The following EPRS1 variants were observed in gnomAD, a reference collection of about 807,000 sequenced individuals.
EPRS1 encodes the protein glutamyl-prolyl-tRNA synthetase 1.
Under a neutral mutation model 188.3 loss-of-function variants are expected in EPRS1, and 107 were observed. The ratio of observed to expected loss-of-function variants is 0.57; its 90% confidence interval spans 0.49 to 0.67. EPRS1 has a LOEUF of 0.67. EPRS1 is among the 30% of genes least tolerant of loss of function. EPRS1 has a pLI of 0.00. For synonymous variants in EPRS1, 596 were observed against 593.1 expected, an observed-to-expected ratio of 1.00 and a Z score of -0.07; for missense variants, 1,577 against 1,802.2, an observed-to-expected ratio of 0.88 and a Z score of 2.26.
intron 10 of EPRS1, 130 bp from the exon 11 acceptor site, chr1:220,019,209 T>G (rs1661807648): frequency 3.0e-6 from 2 of 656,164 alleles, no homozygotes; most frequent in Non-Finnish European, 5.4e-6. Flanking sequence ...GTTATACTAA[T>G]TAGGTAGTAT....
chr1:219,968,769 A>T lies in EPRS1; in HGVS notation c.*37T>A. On this transcript the variant is annotated 3_prime_UTR_variant, in exon 32 of 32. Transcript: ENST00000366923. ...AGATACTAATATCAATGCTTTAAAA[A>T]GTGAGAGGAGTTGAAGAGGGGGCTT... The T allele has an allele frequency of 6.2e-7, 1 of 1,604,538 alleles. No individual in the cohort carries two copies. The highest frequency in any genetic ancestry group is 8.5e-7 in the Non-Finnish European group (1 of 1,171,622).
intron 1 of EPRS1, among the ~76,000 whole-genome samples, chr1:220,044,681 CAAAAAAAAA>C (rs71560597): frequency 2.6e-4 from 23 of 88,346 alleles, no homozygotes; most frequent in South Asian, 7.8e-4. Context: ...GCTCGGTCTC[CAAAAAAAAA>C]AAAAAAAAAA....
At chr1:220,005,908 G>A (rs1661457868) in intron 15 of EPRS1, among the ~76,000 whole-genome samples, 198 bp downstream of exon 15, 2 of 138,176 alleles carry the variant, frequency 1.4e-5, no homozygotes, top group South Asian at 4.5e-4. Flanking sequence ...GAGCTCAAGC[G>A]ATCCACCCAT....
chr1:219,969,188 A>G (rs2102556546), intron 30 of EPRS1, 66 bp from the exon 31 acceptor site: 1 of 1,150,060 alleles, frequency 8.7e-7, no homozygotes, highest in East Asian at 2.4e-5. Context: ...CAGAAGGAAC[A>G]TTTGAGTTCT....
chr1:219,999,084 T>A (rs1376908105), intron 17 of EPRS1, among the ~76,000 whole-genome samples: 1 of 152,110 alleles, frequency 6.6e-6, no homozygotes, highest in Admixed American at 6.6e-5. Context: ...ACCTTTCATA[T>A]AAGTGCCTTC....
intron 15 of EPRS1, among the ~76,000 whole-genome samples, chr1:220,005,696 T>TA (rs1329627113): frequency 6.6e-6 from 1 of 152,172 alleles, no homozygotes; most frequent in Non-Finnish European, 1.5e-5. Context: ...GCGTAAGGCT[T>TA]AAATACGAGG....
At chr1:219,983,621 T>C (rs1028024130) in intron 21 of EPRS1, among the ~76,000 whole-genome samples, 8 of 152,114 alleles carry the variant, frequency 5.3e-5, no homozygotes, top group Non-Finnish European at 8.8e-5. Flanking sequence ...CACCGGGCAT[T>C]GTGGCTTAGG....
At chr1:220,032,205 GC>G (rs1314767889) in intron 5 of EPRS1, among the ~76,000 whole-genome samples, 181 bp downstream of exon 5, 4 of 150,494 alleles carry the variant, frequency 2.7e-5, no homozygotes, top group Non-Finnish European at 5.9e-5. Context: ...CTCCCGAGTA[GC>G]TGGGACTACA....
At chr1:220,029,463 G>T (rs2577143) in intron 6 of EPRS1, among the ~76,000 whole-genome samples, 1 of 152,210 alleles carries the variant, frequency 6.6e-6, no homozygotes, top group East Asian at 1.9e-4. Flanking sequence ...TTGTGAAGAA[G>T]TATTAAATAC....
At chr1:220,045,949 T>C (rs1209638154) in intron 1 of EPRS1, among the ~76,000 whole-genome samples, 1 of 152,214 alleles carries the variant, frequency 6.6e-6, no homozygotes, top group Non-Finnish European at 1.5e-5. Flanking sequence ...GGAAAAATGC[T>C]AAAAGAGAAG....
At chr1:220,042,852 C>T (rs1222789052) in intron 1 of EPRS1, among the ~76,000 whole-genome samples, 2 of 151,900 alleles carry the variant, frequency 1.3e-5, no homozygotes, top group African/African-American at 4.8e-5. Flanking sequence ...AACTGGGAGG[C>T]AGAGGTTTCA....
At chr1:219,989,304 G>A (rs1416615084) in intron 18 of EPRS1, among the ~76,000 whole-genome samples, 2 of 151,980 alleles carry the variant, frequency 1.3e-5, no homozygotes, top group Non-Finnish European at 2.9e-5. Flanking sequence ...AATGAGATGA[G>A]AAAGCATGTT....
rs369744695 is a variant in EPRS1 at position 220,028,242 on chromosome 1, TA to T, written c.623+2143del. Among the ~76,000 whole-genome samples the T allele has an allele frequency of 5.3e-3, 813 of 152,306 alleles. 7 individuals are homozygous for T. Among genetic ancestry groups the T allele is most frequent in the African/African-American group, 0.019 (789 of 41,574 alleles). On this transcript the variant is annotated intron_variant, in intron 6 of 31. Coordinates refer to ENST00000366923, the MANE Select transcript of EPRS1 (RefSeq NM_004446.3). ...CCATTGTCAAGAAAAGATTAACAAT[TA>T]GTACCTATTATTTTACAGTTAATGT...
At chr1:220,015,275 C>T (rs958141336) in intron 12 of EPRS1, among the ~76,000 whole-genome samples, 5 of 147,382 alleles carry the variant, frequency 3.4e-5, no homozygotes, top group Admixed American at 1.3e-4. Flanking sequence ...CCAGCTTGGC[C>T]AAGATGATGA....
Position 219,982,784 on chromosome 1 carries a change from T to C in EPRS1, c.3361A>G (p.Thr1121Ala). The change falls in exon 23 of 32, where the codon ACT becomes GCT. Residue 1121 changes from threonine to alanine, a missense_variant. This residue lies in a region of EPRS1 where 1,278 missense variants were observed against 1,457.4 expected (regional missense o/e 0.88). Transcript: ENST00000366923. ...ELAEPIAIRP[T>A]SETVMYPAYA... ...TGCCTATTCTCACCTGTTTCACTAG[T>C]AGGACGAATGGCAATTGGTTCTGCC... 6.2e-7 allele frequency: 1 copy of C among 1,613,954 alleles called. No individual in the cohort carries two copies.
At position 219,997,357 on chromosome 1, in the gene EPRS1, A is replaced by C. The variant is rs1227064607; in HGVS notation, c.2182-15T>G. The C allele has an allele frequency of 6.5e-7, 1 of 1,528,094 alleles. No homozygotes were observed. Among genetic ancestry groups the C allele is most frequent in the Non-Finnish European group, 8.8e-7 (1 of 1,140,562 alleles). 94.7% of individuals were successfully genotyped at this position (1,528,094 alleles called of 1,614,324 possible). On this transcript the variant is annotated splice_polypyrimidine_tract_variant and intron_variant, in intron 17 of 31. Transcript: ENST00000366923. ...GGAGCAGAGGTCTACCAAGAGAGAA[A>C]ACCAAAAGTAAAATAATTAATTCAT...
intron 18 of EPRS1, 34 bp from the exon 19 acceptor site, chr1:219,988,857 A>G (rs1661066047): frequency 1.4e-6 from 2 of 1,402,952 alleles, no homozygotes; most frequent in Admixed American, 2.3e-5. Context: ...TATTTATAAA[A>G]CTTTGGAAAT....
At chr1:220,024,529 G>A in intron 7 of EPRS1, 73 bp from the exon 8 acceptor site, 2 of 959,856 alleles carry the variant, frequency 2.1e-6, no homozygotes, top group Non-Finnish European at 1.6e-6. Context: ...CCTTGATACT[G>A]CATTTAAGCA....
chr1:219,980,324 A>C, intron 25 of EPRS1, 84 bp from the exon 26 acceptor site: 1 of 1,025,268 alleles, frequency 9.8e-7, no homozygotes, highest in East Asian at 2.4e-5. Context: ...CTTAAGACTA[A>C]TTGTGTGGGA....
Sources: allele counts gnomAD v4.1 joint callset (sites outside exome capture counted in the v4.1 genomes callset), GRCh38; gene constraint gnomAD v4.1.1; regional missense constraint gnomAD v4.1.1; transcripts MANE v1.5; gene names NCBI Gene and HGNC (gene_info 2026-07-23, HGNC 2026-07-21).